The following ZNF578 variants were observed in gnomAD, a reference collection of about 807,000 sequenced individuals.
The protein encoded by ZNF578 is Putative chemokine-related protein B42.
ZNF578 carries 8 observed loss-of-function variants against 8.3 expected under a neutral mutation model. The observed-to-expected ratio is 0.96, with a 90% CI of 0.56 to 1.74. The LOEUF is 1.74. ZNF578 is among the 40% of genes most tolerant of loss of function. The probability of loss-of-function intolerance (pLI) is 0.00; values close to 1 mark genes in which losing one functional copy is unlikely to be tolerated. For synonymous variants in ZNF578, 206 were observed against 232.2 expected (o/e 0.89, Z 1.03); for missense variants, 726 against 707.5 (o/e 1.03, Z -0.30).
intron 3 of ZNF578, among the ~76,000 whole-genome samples, chr19:52,498,701 T>TTTTTTTTTG (rs1436867631): frequency 7.4e-6 from 1 of 134,608 alleles, no homozygotes. Flanking sequence ...TTTTTTTTTT[T>TTTTTTTTTG]GTAAGACAGA....
At chr19:52,493,568 A>C (rs572087969) in intron 3 of ZNF578, among the ~76,000 whole-genome samples, 1 of 152,064 alleles carries the variant, frequency 6.6e-6, no homozygotes, top group Non-Finnish European at 1.5e-5. Context: ...GGGGTGCTAG[A>C]GAGTGGGGAC....
At position 52,514,670 on chromosome 19, in the gene ZNF578, T is replaced by A. The variant is rs2059465333; in HGVS notation, c.*2516T>A. 6.6e-6 allele frequency among the ~76,000 whole-genome samples: 1 copy of A among 152,134 alleles called. No homozygotes were observed. The highest frequency in any genetic ancestry group is 6.5e-5 in the Admixed American group (1 of 15,272). On this transcript the variant is annotated 3_prime_UTR_variant, in exon 6 of 6. Coordinates refer to ENST00000421239, the MANE Select transcript of ZNF578 (RefSeq NM_001099694.2). The stretch of plus-strand genomic sequence containing the variant: ...TGCTCCAAAAGCACCCATGTATTCT[T>A]TTCTTTTTTGGAAATGGAGTCTCGC...
At chr19:52,501,248 G>A (rs1479227151) in intron 3 of ZNF578, among the ~76,000 whole-genome samples, 1 of 152,164 alleles carries the variant, frequency 6.6e-6, no homozygotes, top group Non-Finnish European at 1.5e-5. Context: ...CCAAGCGGAG[G>A]GCAGAGCCAG....
chr19:52,480,190 G>A (rs2059321172), intron 2 of ZNF578, among the ~76,000 whole-genome samples: 1 of 152,192 alleles, frequency 6.6e-6, no homozygotes, highest in African/African-American at 2.4e-5. Flanking sequence ...ACAGGCGTGA[G>A]CCACCGTGCC....
rs1395048519 is a variant in ZNF578 at position 52,514,735 on chromosome 19, T to C, written c.*2581T>C. On this transcript the variant is annotated 3_prime_UTR_variant, in exon 6 of 6. Transcript: ENST00000421239. ...TGGAGTGCAGTGGTGCGATCTCAGC[T>C]CACTGCAACCTCTACCTCCTTGGAT... Among the ~76,000 whole-genome samples the C allele has an allele frequency of 1.3e-5, 2 of 152,140 alleles. No individual in the cohort carries two copies. The highest frequency in any genetic ancestry group is 2.9e-5 in the Non-Finnish European group (2 of 68,030).
chr19:52,467,788 G>T (rs1397481520), intron 2 of ZNF578, among the ~76,000 whole-genome samples: 2 of 152,064 alleles, frequency 1.3e-5, no homozygotes, highest in African/African-American at 2.4e-5. Context: ...TCCTATCAAG[G>T]TGTTTTGTGG....
intron 4 of ZNF578, among the ~76,000 whole-genome samples, chr19:52,502,211 C>G (rs922394207): frequency 1.3e-5 from 2 of 152,114 alleles, no homozygotes; most frequent in Non-Finnish European, 2.9e-5. Flanking sequence ...GATGTCATTG[C>G]TGCTGGGCAG....
rs1287524694 is a variant in ZNF578, at chr19:52,516,145, AC to A, written c.*3994del. 6.6e-6 allele frequency among the ~76,000 whole-genome samples: 1 copy of A among 151,958 alleles called. No individual in the cohort carries two copies. The highest frequency in any genetic ancestry group is 2.4e-5 in the African/African-American group (1 of 41,338). On this transcript the variant is annotated 3_prime_UTR_variant, in exon 6 of 6. Transcript: ENST00000421239. Reference sequence around the variant, plus strand: ...CATTGTCCCTGCTCTTACCCTATGTACCCTGTCCCTTTCTCCTCCTTCAGGT... The same window carrying A: ...CATTGTCCCTGCTCTTACCCTATGTACCTGTCCCTTTCTCCTCCTTCAGGT...
At position 52,512,152 on chromosome 19, in the gene ZNF578, T is replaced by C; in HGVS notation, c.1771T>C (p.Ter591GlnextTer11). 6.2e-7 allele frequency: 1 copy of C among 1,613,754 alleles called. No individual in the cohort carries two copies. The highest frequency in any genetic ancestry group is 1.1e-5 in the South Asian group (1 of 91,060). ...DSSIKPCMSS* is the reference protein window; with the variant it reads ...DSSIKPCMSSQ ...ATCAATCAAGCCTTGCATGTCATCA[T>C]AGACTTCATACTGGAGAGAAACCTT... The change falls in exon 6 of 6, where the codon TAG (stop) becomes CAG (glutamine). Residue 591 changes from the stop codon to glutamine, a stop_lost. Coordinates refer to ENST00000421239, the MANE Select transcript of ZNF578 (RefSeq NM_001099694.2).
chr19:52,512,137 C>T lies in ZNF578; in HGVS notation c.1756C>T (p.Pro586Ser), dbSNP rs372650400. 1.2e-6 allele frequency: 2 copies of T among 1,613,730 alleles called. No individual in the cohort carries two copies. Among genetic ancestry groups the T allele is most frequent in the Non-Finnish European group, 1.7e-6 (2 of 1,179,850 alleles). Residue 586 changes from proline (P) to serine (S), a missense_variant, in exon 6 of 6, where the codon CCT becomes TCT. Coordinates refer to ENST00000421239, the MANE Select transcript of ZNF578 (RefSeq NM_001099694.2). Reference protein sequence around the residue: ...HNHLIDSSIKPCMSS With the variant: ...HNHLIDSSIKSCMSS ...TCACTTGATTGATTCATCAATCAAG[C>T]CTTGCATGTCATCATAGACTTCATA...
chr19:52,488,866 C>T (rs1314294166), intron 2 of ZNF578, among the ~76,000 whole-genome samples: 1 of 151,644 alleles, frequency 6.6e-6, no homozygotes, highest in Non-Finnish European at 1.5e-5. Flanking sequence ...ACTTTGGGAG[C>T]AAATCACTGA....
At chr19:52,462,000 A>G (rs937578877) in intron 2 of ZNF578, among the ~76,000 whole-genome samples, 37 of 152,194 alleles carry the variant, frequency 2.4e-4, no homozygotes, top group African/African-American at 8.7e-4. Context: ...TCTTTCATCT[A>G]TCATTCTGAT....
At chr19:52,495,021 T>A (rs1479691055) in intron 3 of ZNF578, among the ~76,000 whole-genome samples, 1 of 151,696 alleles carries the variant, frequency 6.6e-6, no homozygotes, top group Non-Finnish European at 1.5e-5. Context: ...TCTTTGTTTG[T>A]TTTTTTGTAG....
intron 2 of ZNF578, among the ~76,000 whole-genome samples, chr19:52,465,852 G>C (rs2059273379): frequency 6.6e-6 from 1 of 152,188 alleles, no homozygotes; most frequent in Non-Finnish European, 1.5e-5. Flanking sequence ...TCCTCCATCC[G>C]TCGGCCCTCC....
intron 2 of ZNF578, among the ~76,000 whole-genome samples, chr19:52,484,158 G>A (rs2059336693): frequency 6.6e-6 from 1 of 152,200 alleles, no homozygotes; most frequent in Non-Finnish European, 1.5e-5. Context: ...AAAGTGCTGT[G>A]CTTTTGATGT....
rs747195788 is a variant in ZNF578 at position 52,504,669 on chromosome 19, C to G, written c.78C>G (p.Phe26Leu). ...TTTCATTTTAGGGACGCTTGACTTT[C>G]AGGGATGTGGCTATAGAATTCTCAT... ...GMALPQGRLT[F>L]RDVAIEFSLA... The change falls in exon 5 of 6, where the codon TTC (phenylalanine) becomes TTG (leucine). Residue 26 changes from phenylalanine (F) to leucine (L), a missense_variant. Coordinates refer to ENST00000421239, the MANE Select transcript of ZNF578 (RefSeq NM_001099694.2). 1.9e-6 allele frequency: 3 copies of G among 1,613,956 alleles called. No individual in the cohort carries two copies. The African/African-American group carries it at 4.0e-5, about 22-fold the overall frequency.
chr19:52,454,734 G>A (rs1468110131), intron 1 of ZNF578: 2 of 152,188 alleles, frequency 1.3e-5, no homozygotes, highest in African/African-American at 4.8e-5. Flanking sequence ...AGCTTCTAAG[G>A]TGAAGGGTAG....
At chr19:52,502,956 G>A (rs2059412692) in intron 4 of ZNF578, among the ~76,000 whole-genome samples, 1 of 152,062 alleles carries the variant, frequency 6.6e-6, no homozygotes, top group Admixed American at 6.6e-5. Flanking sequence ...GCAATGTCAG[G>A]ATCTCAGCTC....
intron 3 of ZNF578, among the ~76,000 whole-genome samples, chr19:52,492,220 T>C (rs1449926468): frequency 6.6e-5 from 9 of 137,254 alleles, no homozygotes; most frequent in East Asian, 2.3e-4. Context: ...GGGAGCCCTG[T>C]GAGAGGGGGT....
Sources: allele counts gnomAD v4.1 joint callset (sites outside exome capture counted in the v4.1 genomes callset), GRCh38; gene constraint gnomAD v4.1.1; transcripts MANE v1.5; gene names NCBI Gene and HGNC (gene_info 2026-07-23, HGNC 2026-07-21).